The following FHIT variants were observed in gnomAD, a reference collection of about 807,000 sequenced individuals.
The protein encoded by FHIT is bis(5'-adenosyl)-triphosphatase.
A neutral mutation model predicts 17.9 loss-of-function variants in FHIT; 19 were observed. The observed-to-expected ratio is 1.06, with a 90% CI of 0.74 to 1.56. FHIT has a LOEUF of 1.56. Ranked by LOEUF, FHIT falls within the 40% of genes most tolerant of loss-of-function variation. FHIT has a pLI of 0.00. For synonymous variants in FHIT, 81 were observed against 69.7 expected (o/e 1.16, Z -0.81); for missense variants, 248 against 189.2 (o/e 1.31, Z -1.82).
intron 4 of FHIT, among the ~76,000 whole-genome samples, chr3:60,711,683 A>T (rs2041536876): frequency 6.6e-6 from 1 of 152,240 alleles, no homozygotes; most frequent in South Asian, 2.1e-4. Context: ...CAGTGATGGA[A>T]GATGAAATGA....
intron 5 of FHIT, among the ~76,000 whole-genome samples, chr3:60,325,600 C>A (rs957649977): frequency 6.6e-6 from 1 of 152,180 alleles, no homozygotes; most frequent in Non-Finnish European, 1.5e-5. Context: ...ACATTCATTA[C>A]ATTTTTAATC....
In FHIT at chr3:60,141,384, TAAA is replaced by T. The variant is rs34364126; in HGVS notation, c.104-127235_104-127233del. On this transcript the variant is annotated intron_variant, in intron 5 of 9. Coordinates refer to ENST00000492590, the MANE Select transcript of FHIT (RefSeq NM_002012.4). ...GATATTGAGACAGCATGATGCCCAT[TAAA>T]AAAAAAAAAAAAACACTGAAGACTT... 7.0e-5 allele frequency among the ~76,000 whole-genome samples: 9 copies of T among 128,128 alleles called. No homozygotes were observed. In the South Asian group the frequency reaches 1.8e-3, roughly 26 times the overall value. The allele number at this position is 128,128 out of a possible 152,430, so 84.1% of individuals were successfully genotyped here.
intron 3 of FHIT, among the ~76,000 whole-genome samples, chr3:60,894,379 A>T (rs1288712227): frequency 7.2e-5 from 11 of 152,192 alleles, no homozygotes; most frequent in African/African-American, 2.4e-4. Context: ...ATGCTGCCTC[A>T]GGGATGCAAA....
chr3:61,180,244 A>C (rs916972487), intron 2 of FHIT, among the ~76,000 whole-genome samples: 2 of 152,184 alleles, frequency 1.3e-5, no homozygotes, highest in Non-Finnish European at 2.9e-5. Flanking sequence ...ATTCCAGAAA[A>C]TGTTTGCTGG....
intron 8 of FHIT, among the ~76,000 whole-genome samples, chr3:59,880,513 G>C (rs1703364074): frequency 6.6e-6 from 1 of 152,126 alleles, no homozygotes. Flanking sequence ...CCTGGGCTCT[G>C]GGATACAGGA....
chr3:60,769,005 T>G (rs1276353799), intron 4 of FHIT, among the ~76,000 whole-genome samples: 2 of 152,236 alleles, frequency 1.3e-5, no homozygotes, highest in African/African-American at 4.8e-5. Flanking sequence ...TTGCCAGGCT[T>G]CTGTGAACAA....
intron 5 of FHIT, among the ~76,000 whole-genome samples, chr3:60,064,845 T>A (rs901946038): frequency 5.9e-5 from 9 of 152,230 alleles, no homozygotes; most frequent in Non-Finnish European, 5.9e-5. Flanking sequence ...ACTTCGCAAG[T>A]ATTATCTCAT....
intron 5 of FHIT, among the ~76,000 whole-genome samples, chr3:60,372,150 T>C (rs1243181694): frequency 1.3e-5 from 2 of 152,204 alleles, no homozygotes; most frequent in African/African-American, 2.4e-5. Context: ...TTGGAAGAGA[T>C]GTCAGTTCTT....
At chr3:59,976,158 G>A (rs1252227507) in intron 7 of FHIT, among the ~76,000 whole-genome samples, 1 of 152,044 alleles carries the variant, frequency 6.6e-6, no homozygotes, top group Non-Finnish European at 1.5e-5. Flanking sequence ...AACAAGTACT[G>A]GATGCTGTCT....
intron 4 of FHIT, among the ~76,000 whole-genome samples, chr3:60,615,536 G>C (rs1297522417): frequency 6.6e-6 from 1 of 152,152 alleles, no homozygotes; most frequent in African/African-American, 2.4e-5. Context: ...ACAGCCATTC[G>C]TCAGAGCAAA....
At chr3:60,607,457 T>C (rs1553671639) in intron 4 of FHIT, among the ~76,000 whole-genome samples, 1 of 151,652 alleles carries the variant, frequency 6.6e-6, no homozygotes, top group East Asian at 1.9e-4. Context: ...CTGCCACTAA[T>C]TAAAAGTATA....
At chr3:59,986,520 T>TTTATATTTATACATTTATATAA (rs1559523446) in intron 7 of FHIT, among the ~76,000 whole-genome samples, 573 of 12,954 alleles carry the variant, frequency 0.044, 23 homozygotes, top group Non-Finnish European at 0.058. Flanking sequence ...TATATATATA[T>TTTATATTTATACATTTATATAA]ATATATATAT....
chr3:60,138,607 T>C (rs999535062), intron 5 of FHIT, among the ~76,000 whole-genome samples: 10 of 152,128 alleles, frequency 6.6e-5, no homozygotes, highest in African/African-American at 1.7e-4. Flanking sequence ...ACCTCATAAG[T>C]TGTCATGCTA....
chr3:60,632,102 G>GT (rs879949293), intron 4 of FHIT, among the ~76,000 whole-genome samples: 32 of 149,852 alleles, frequency 2.1e-4, no homozygotes, highest in East Asian at 5.9e-4. Flanking sequence ...TTTGTTTTTT[G>GT]TTTTTTTTTA....
intron 4 of FHIT, among the ~76,000 whole-genome samples, chr3:60,695,109 G>T (rs1218687125): frequency 1.3e-5 from 2 of 151,964 alleles, no homozygotes; most frequent in Admixed American, 6.6e-5. Flanking sequence ...AATATATAAA[G>T]GTAGGCCGGG....
Position 60,613,371 on chromosome 3 carries a change from G to A in FHIT, c.-17-76392C>T, listed in dbSNP as rs147099747. ...GTGATACACAGGAAAGGTAAGTGTG[G>A]CAGTGCAGTGAGAGATGGGCTGGGG... On this transcript the variant is annotated intron_variant, in intron 4 of 9. Transcript: ENST00000492590. Among the ~76,000 whole-genome samples, 1,156 of 152,270 alleles carry A rather than the reference G, an allele frequency of 7.6e-3. 13 individuals carry two copies. Among genetic ancestry groups the A allele is most frequent in the African/African-American group, 0.026 (1,068 of 41,546 alleles).
intron 4 of FHIT, among the ~76,000 whole-genome samples, chr3:60,594,245 C>T (rs1372611737): frequency 6.6e-6 from 1 of 150,998 alleles, no homozygotes; most frequent in East Asian, 1.9e-4. Context: ...CTGGCCAGGC[C>T]GCAAGTCAAA....
chr3:60,019,454 C>T (rs938779464), intron 5 of FHIT, among the ~76,000 whole-genome samples: 3 of 125,140 alleles, frequency 2.4e-5, no homozygotes, highest in East Asian at 2.6e-4. Context: ...GTTTCGCTCT[C>T]GTTGCCCAGG....
chr3:59,855,787 T>G (rs1702129430), intron 8 of FHIT, among the ~76,000 whole-genome samples: 1 of 113,734 alleles, frequency 8.8e-6, no homozygotes, highest in African/African-American at 2.8e-5. Context: ...CCTTTTTTTG[T>G]TTTTTTTTTT....
Sources: gnomAD v4.1 joint callset for allele counts (sites outside exome capture counted in the v4.1 genomes callset) on GRCh38, gnomAD v4.1.1 for gene constraint, MANE v1.5 for transcripts, NCBI Gene and HGNC (gene_info 2026-07-23, HGNC 2026-07-21) for gene names.